Variants in IFT56 observed in about 807,000 individuals in gnomAD.
IFT56 encodes intraflagellar transport protein 56.
At chr7:139,140,710 G>A in the IFT56 span, among the ~76,000 whole-genome samples, 9 of 146,818 alleles carry the variant, frequency 6.1e-5, no homozygotes, top group Non-Finnish European at 1.3e-4. Context: ...GGGAGGCGGA[G>A]GTTGCAGTGA....
chr7:139,169,364 AT>A, the IFT56 span: 1 of 1,612,558 alleles, frequency 6.2e-7, no homozygotes, highest in Non-Finnish European at 8.5e-7. Flanking sequence ...TATGTCTGAA[AT>A]CTGTACTTAT....
the IFT56 span, chr7:139,173,043 C>A: frequency 5.5e-6 from 4 of 731,884 alleles, no homozygotes; most frequent in Admixed American, 1.8e-5. Context: ...TCAGAGACTG[C>A]AATGCTTCCA....
At chr7:139,140,247 G>A in the IFT56 span, among the ~76,000 whole-genome samples, 1 of 152,166 alleles carries the variant, frequency 6.6e-6, no homozygotes, top group Non-Finnish European at 1.5e-5. Flanking sequence ...AAAAGGGCCA[G>A]GTGTCTTTCT....
At chr7:139,146,967 C>A in the IFT56 span, 3 of 1,516,948 alleles carry the variant, frequency 2.0e-6, no homozygotes, top group Non-Finnish European at 1.8e-6. Flanking sequence ...GAGGCTATTT[C>A]CATTGTTTCT....
the IFT56 span, chr7:139,169,252 A>G: frequency 6.4e-7 from 1 of 1,556,640 alleles, no homozygotes; most frequent in Non-Finnish European, 8.9e-7. Flanking sequence ...AAATATTTTT[A>G]CCTTATTCCT....
At chr7:139,178,469 T>A in the IFT56 span, 1 of 1,557,454 alleles carries the variant, frequency 6.4e-7, no homozygotes, top group African/African-American at 1.4e-5. Context: ...TGGTTATATT[T>A]TATATGTTAA....
At chr7:139,142,210 C>G in the IFT56 span, 1 of 1,608,640 alleles carries the variant, frequency 6.2e-7, no homozygotes, top group South Asian at 1.1e-5. Flanking sequence ...CAAGGGACTG[C>G]TAGACTGTTG....
At chr7:139,151,779 C>T in the IFT56 span, among the ~76,000 whole-genome samples, 1 of 152,118 alleles carries the variant, frequency 6.6e-6, no homozygotes, top group Non-Finnish European at 1.5e-5. Context: ...AAACCATTTC[C>T]GGCTAGGCAC....
chr7:139,185,454 T>A, the IFT56 span, among the ~76,000 whole-genome samples: 18 of 152,060 alleles, frequency 1.2e-4, no homozygotes, highest in Admixed American at 2.6e-4. Flanking sequence ...AATAAAAAAA[T>A]TTTTTAAATG....
the IFT56 span, chr7:139,148,235 C>A: frequency 1.2e-6 from 2 of 1,612,794 alleles, no homozygotes; most frequent in Non-Finnish European, 1.7e-6. Context: ...GTTTATGTGG[C>A]CCTCTGCTAC....
chr7:139,174,997 G>A, the IFT56 span, among the ~76,000 whole-genome samples: 1 of 150,874 alleles, frequency 6.6e-6, no homozygotes, highest in African/African-American at 2.5e-5. Flanking sequence ...CTACAGTCTG[G>A]ACAACAAGAT....
the IFT56 span, among the ~76,000 whole-genome samples, chr7:139,138,641 A>G: frequency 1.3e-5 from 2 of 152,164 alleles, no homozygotes; most frequent in Admixed American, 6.5e-5. Flanking sequence ...AAAAACTTTC[A>G]TGAGTCTTCT....
chr7:139,141,827 G>A, the IFT56 span, among the ~76,000 whole-genome samples: 1 of 152,198 alleles, frequency 6.6e-6, no homozygotes, highest in Non-Finnish European at 1.5e-5. Context: ...TATAATTGTG[G>A]AAAAGGAGAT....
At chr7:139,160,187 A>C in the IFT56 span, among the ~76,000 whole-genome samples, 1 of 152,196 alleles carries the variant, frequency 6.6e-6, no homozygotes, top group African/African-American at 2.4e-5. Context: ...GTAGTTAGTG[A>C]AGAACAATCA....
the IFT56 span, among the ~76,000 whole-genome samples, chr7:139,145,547 C>T: frequency 6.6e-6 from 1 of 152,034 alleles, no homozygotes; most frequent in Non-Finnish European, 1.5e-5. Flanking sequence ...GCCTCAGCCT[C>T]CCAAGTAGCT....
At chr7:139,185,731 G>A in the IFT56 span, among the ~76,000 whole-genome samples, 14 of 152,032 alleles carry the variant, frequency 9.2e-5, no homozygotes, top group Admixed American at 7.8e-4. Flanking sequence ...CCTGGGTAGT[G>A]TTTACAGTAT....
chr7:139,140,122 T>TAA, the IFT56 span: 15 of 620,848 alleles, frequency 2.4e-5, no homozygotes, highest in South Asian at 2.9e-4. Flanking sequence ...ATTAGAAAGC[T>TAA]AAAAAAATAG....
At chr7:139,163,264 C>A in the IFT56 span, among the ~76,000 whole-genome samples, 3 of 147,334 alleles carry the variant, frequency 2.0e-5, no homozygotes, top group Non-Finnish European at 1.5e-5. Flanking sequence ...ATGGTGTGAA[C>A]CCGGGAGGCG....
the IFT56 span, chr7:139,147,314 C>T: frequency 6.4e-7 from 1 of 1,563,862 alleles, no homozygotes; most frequent in East Asian, 2.3e-5. Context: ...TATGCCCACT[C>T]TCCATTCCTT....
Sources: allele counts gnomAD v4.1 joint callset (sites outside exome capture counted in the v4.1 genomes callset), GRCh38; gene constraint gnomAD v4.1.1; transcripts MANE v1.5; gene names NCBI Gene and HGNC (gene_info 2026-07-23, HGNC 2026-07-21).